The following AKAP19 variants were observed in gnomAD, a reference collection of about 807,000 sequenced individuals.
AKAP19 encodes the protein A-kinase anchoring protein 19, also known as small A-kinase anchoring protein.
the AKAP19 span, chr2:190,201,131 T>C: frequency 1.8e-5 from 3 of 167,018 alleles, no homozygotes; most frequent in Admixed American, 2.0e-4. Context: ...AGTACTCGTT[T>C]TCTGGGTTTT....
the AKAP19 span, among the ~76,000 whole-genome samples, chr2:189,988,755 C>T: frequency 2.0e-5 from 3 of 152,188 alleles, no homozygotes; most frequent in African/African-American, 7.2e-5. Flanking sequence ...ATCTATTTCC[C>T]CCTCCTTCCT....
chr2:189,891,431 G>T, the AKAP19 span, among the ~76,000 whole-genome samples: 4 of 147,934 alleles, frequency 2.7e-5, no homozygotes, highest in African/African-American at 1.1e-4. Context: ...CACCGTGTTA[G>T]TCAGGATGGT....
At chr2:190,092,858 G>A in the AKAP19 span, among the ~76,000 whole-genome samples, 44 of 152,144 alleles carry the variant, frequency 2.9e-4, no homozygotes, top group Non-Finnish European at 8.8e-5. Flanking sequence ...CAAAGGAGAG[G>A]AGTAGGTATT....
the AKAP19 span, among the ~76,000 whole-genome samples, chr2:189,971,516 G>A: frequency 6.6e-6 from 1 of 152,136 alleles, no homozygotes; most frequent in Non-Finnish European, 1.5e-5. Flanking sequence ...GAATGGCTGG[G>A]TCAAATGGTA....
chr2:190,004,973 C>T, the AKAP19 span, among the ~76,000 whole-genome samples: 46 of 152,300 alleles, frequency 3.0e-4, no homozygotes, highest in African/African-American at 1.1e-3. Flanking sequence ...AACAATTAAG[C>T]CACGGACCCT....
chr2:190,057,095 C>T, the AKAP19 span: 1 of 692,848 alleles, frequency 1.4e-6, no homozygotes, highest in Non-Finnish European at 2.4e-6. Flanking sequence ...AAATGCCAAC[C>T]ATTGCATATA....
At chr2:190,022,342 G>T in the AKAP19 span, among the ~76,000 whole-genome samples, 1 of 152,040 alleles carries the variant, frequency 6.6e-6, no homozygotes. Flanking sequence ...AATGGACATG[G>T]GGTGTGTACA....
At chr2:189,887,284 CA>C in the AKAP19 span, among the ~76,000 whole-genome samples, 1 of 152,188 alleles carries the variant, frequency 6.6e-6, no homozygotes, top group Non-Finnish European at 1.5e-5. Context: ...CAGCTTCATC[CA>C]TGTCCCTGCA....
At chr2:190,071,315 G>A in the AKAP19 span, among the ~76,000 whole-genome samples, 1 of 152,096 alleles carries the variant, frequency 6.6e-6, no homozygotes, top group African/African-American at 2.4e-5. Flanking sequence ...TTAGCTTGTT[G>A]TAGTGCCACA....
chr2:190,094,816 G>A, the AKAP19 span, among the ~76,000 whole-genome samples: 3,150 of 152,254 alleles, frequency 0.021, 50 homozygotes, highest in Non-Finnish European at 0.03. Flanking sequence ...GTGGGGCCAG[G>A]CATTTTATAG....
At chr2:189,883,341 T>G in the AKAP19 span, among the ~76,000 whole-genome samples, 119 of 152,306 alleles carry the variant, frequency 7.8e-4, 1 homozygote, top group African/African-American at 2.7e-3. Flanking sequence ...TATTTCTTAC[T>G]GACTTCTACT....
the AKAP19 span, among the ~76,000 whole-genome samples, chr2:189,916,274 C>T: frequency 6.6e-6 from 1 of 151,524 alleles, no homozygotes; most frequent in Non-Finnish European, 1.5e-5. Context: ...TCATTGATCC[C>T]TCATATATTA....
the AKAP19 span, among the ~76,000 whole-genome samples, chr2:190,006,686 C>T: frequency 1.4e-5 from 2 of 146,626 alleles, no homozygotes; most frequent in African/African-American, 5.0e-5. Flanking sequence ...TAGTGAACAG[C>T]ATTGGTGCAA....
the AKAP19 span, among the ~76,000 whole-genome samples, chr2:190,027,588 C>T: frequency 6.6e-6 from 1 of 152,090 alleles, no homozygotes; most frequent in African/African-American, 2.4e-5. Flanking sequence ...CTGAGTAGTA[C>T]ATAAAAGGTG....
At chr2:190,075,703 A>C in the AKAP19 span, among the ~76,000 whole-genome samples, 1 of 151,978 alleles carries the variant, frequency 6.6e-6, no homozygotes, top group East Asian at 1.9e-4. Flanking sequence ...CCATCCATTC[A>C]CTTTCAACCT....
chr2:189,893,084 C>T, the AKAP19 span, among the ~76,000 whole-genome samples: 1 of 152,186 alleles, frequency 6.6e-6, no homozygotes, highest in Non-Finnish European at 1.5e-5. Context: ...GCCCCTCCCC[C>T]TACTGAGTTC....
the AKAP19 span, among the ~76,000 whole-genome samples, chr2:189,965,054 GA>G: frequency 6.6e-6 from 1 of 152,148 alleles, no homozygotes; most frequent in Non-Finnish European, 1.5e-5. Context: ...GATTTAAAGT[GA>G]GAGACATGCA....
chr2:190,052,870 A>T, the AKAP19 span, among the ~76,000 whole-genome samples: 1 of 152,178 alleles, frequency 6.6e-6, no homozygotes, highest in Non-Finnish European at 1.5e-5. Flanking sequence ...TCTCATTAGG[A>T]TCAGAATCTG....
the AKAP19 span, among the ~76,000 whole-genome samples, chr2:190,107,900 A>G: frequency 2.0e-5 from 3 of 152,226 alleles, no homozygotes; most frequent in African/African-American, 7.2e-5. Flanking sequence ...GAAGCATCCA[A>G]TGCCTTCATT....
Sources: gnomAD v4.1 joint callset for allele counts (sites outside exome capture counted in the v4.1 genomes callset) on GRCh38, gnomAD v4.1.1 for gene constraint, MANE v1.5 for transcripts, NCBI Gene and HGNC (gene_info 2026-07-23, HGNC 2026-07-21) for gene names.